Variants in RIF1 observed in about 807,000 individuals in gnomAD.
The protein encoded by RIF1 is replication timing regulatory factor 1, also known as telomere-associated protein RIF1.
In RIF1, 45 loss-of-function variants were observed where a neutral mutation model predicts 247.1. The observed-to-expected ratio is 0.18, with a 90% CI of 0.14 to 0.23. The LOEUF (loss-of-function observed/expected upper bound fraction) is 0.23, where lower values mean the gene tolerates loss of function less well. RIF1 is among the 10% of genes least tolerant of loss of function. The pLI is 1.00. For missense variants in RIF1, 2,967 were observed against 2,862.5 expected, an observed-to-expected ratio of 1.04 and a Z score of -0.83; for synonymous variants, 1,087 against 978.8, an observed-to-expected ratio of 1.11 and a Z score of -2.06.
At chr2:151,455,439 GAT>G (rs1367722048) in intron 22 of RIF1, among the ~76,000 whole-genome samples, 1 of 152,152 alleles carries the variant, frequency 6.6e-6, no homozygotes, top group African/African-American at 2.4e-5. Context: ...TTAAATGCAT[GAT>G]AGATAGGAAA....
chr2:151,463,317 A>C lies in RIF1; in HGVS notation c.3797A>C (p.Lys1266Thr). 1 of 1,613,428 alleles carries C rather than the reference A, an allele frequency of 6.2e-7. No individual in the cohort carries two copies. Among genetic ancestry groups the C allele is most frequent in the Non-Finnish European group, 8.5e-7 (1 of 1,179,852 alleles). The change falls in exon 30 of 36, where the codon AAG (lysine) becomes ACG (threonine). Residue 1266 changes from lysine (K) to threonine (T), a missense_variant. This residue lies in a region of RIF1 where 2,028 missense variants were observed against 1,825.6 expected (regional missense o/e 1.11). Coordinates refer to ENST00000444746, the MANE Select transcript of RIF1 (RefSeq NM_018151.5). Reference protein sequence around the residue: ...MIKTDFLPKAKQREGTFSKSD... With the variant: ...MIKTDFLPKATQREGTFSKSD... ...AAAACAGATTTTCTACCAAAAGCAAAGCAAAGAGAAGGGACTTTTTCAAAA... is the reference window on the plus strand; with the variant it reads ...AAAACAGATTTTCTACCAAAAGCAACGCAAAGAGAAGGGACTTTTTCAAAA...
chr2:151,456,986 G>A (rs909387156), intron 23 of RIF1, among the ~76,000 whole-genome samples: 9 of 152,084 alleles, frequency 5.9e-5, no homozygotes, highest in African/African-American at 1.7e-4. Flanking sequence ...CGCCTGCCTC[G>A]GCTTCCCGAA....
At chr2:151,496,829 A>AAAG (rs2060538381) in intron 10 of RIF1, 2 of 1,268,308 alleles carry the variant, frequency 1.6e-6, no homozygotes, top group South Asian at 1.4e-5. Flanking sequence ...TTTGCTAAAG[A>AAAG]AAGAAGTTCA....
rs531181706 is a variant in RIF1, at chr2:151,457,865, A to G, written c.2757A>G (p.Ile919Met). 2.4e-5 allele frequency: 39 copies of G among 1,613,638 alleles called. No homozygotes were observed. In the South Asian group the frequency reaches 4.2e-4, roughly 17 times the overall value. Residue 919 changes from isoleucine to methionine, a missense_variant, in exon 24 of 36, where the codon ATA becomes ATG. Ile to Met is a conservative substitution (Grantham distance 10, BLOSUM62 1). Coordinates refer to ENST00000444746, the MANE Select transcript of RIF1 (RefSeq NM_018151.5). ...LEQLSPLLCI[I>M]FLHKNKQIRK... The stretch of plus-strand genomic sequence containing the variant: ...AACTCTCCCCACTATTATGCATAAT[A>G]TTTCTGCACAAGAATAAACAGATTC...
At chr2:151,458,291 GGT>G (rs1255148621) in intron 24 of RIF1, among the ~76,000 whole-genome samples, 6 of 141,652 alleles carry the variant, frequency 4.2e-5, no homozygotes, top group Admixed American at 7.6e-5. Context: ...GGAGTGCAGT[GGT>G]GCGATCTGGG....
chr2:151,411,438 C>A, intron 3 of RIF1, 100 bp downstream of exon 3: 2 of 736,326 alleles, frequency 2.7e-6, no homozygotes, highest in South Asian at 1.8e-5. Context: ...CTCTTGTTGC[C>A]CAGGCGAGAG....
At chr2:151,506,061 T>C in intron 12 of RIF1, 2 of 969,078 alleles carry the variant, frequency 2.1e-6, no homozygotes, top group Non-Finnish European at 3.4e-6. Context: ...ATTTTAGCAA[T>C]ATAAGCTGTT....
rs373353270 is a variant in RIF1 at position 151,445,574 on chromosome 2, T to C, written c.2094+129T>C. On this transcript the variant is annotated intron_variant, in intron 19 of 35. Transcript: ENST00000444746. Reference sequence around the variant, plus strand: ...TTTTTCTCTTTTTTTTTTGAGACAGTCTCACATTGTCGTCCAGGCTTGGAG... The same window carrying C: ...TTTTTCTCTTTTTTTTTTGAGACAGCCTCACATTGTCGTCCAGGCTTGGAG... The C allele has an allele frequency of 7.0e-5, 45 of 641,906 alleles. No individual in the cohort carries two copies. The South Asian group carries it at 7.7e-4, about 11-fold the overall frequency. 39.8% of individuals were successfully genotyped at this position (641,906 alleles called of 1,614,324 possible).
rs114847552 is a variant in RIF1 at position 151,429,777 on chromosome 2, A to C, written c.925+855A>C. ...TGATTTACTTTAACCTTATCTTCTT[A>C]TTGTTCAATGGAGTTTTCTGATAAT... On this transcript the variant is annotated intron_variant, in intron 9 of 35. Transcript: ENST00000444746. 3.9e-3 allele frequency among the ~76,000 whole-genome samples: 596 copies of C among 152,216 alleles called. 2 individuals carry two copies. Among genetic ancestry groups the C allele is most frequent in the Non-Finnish European group, 5.6e-3 (380 of 68,016 alleles).
Position 151,438,124 on chromosome 2 carries a change from A to G in RIF1, c.1484-560A>G, listed in dbSNP as rs1691586531. Among the ~76,000 whole-genome samples the G allele has an allele frequency of 2.6e-5, 4 of 152,256 alleles. No homozygotes were observed. In the South Asian group the frequency reaches 8.3e-4, roughly 31 times the overall value. On this transcript the variant is annotated intron_variant, in intron 13 of 35. Coordinates refer to ENST00000444746, the MANE Select transcript of RIF1 (RefSeq NM_018151.5). ...CAGAAAAGAAAGATAATTTAAAAAA[A>G]GATAAAACAATTACCCTTAGTTACA...
At position 151,451,567 on chromosome 2, in the gene RIF1, G is replaced by A. The variant is rs748813168; in HGVS notation, c.2245-39G>A. ...CTTACTTTTGTTGAATACTGTCCCA[G>A]TACTTGAATGTTTCTAACAGTGGTA... On this transcript the variant is annotated intron_variant, in intron 20 of 35. Transcript: ENST00000444746. The A allele has an allele frequency of 4.2e-6, 4 of 954,730 alleles. No homozygotes were observed. The East Asian group carries it at 7.2e-5, about 17-fold the overall frequency. 59.1% of individuals were successfully genotyped at this position (954,730 alleles called of 1,614,324 possible). A position where few individuals can be genotyped will look rare whatever the true frequency, so the allele number is the denominator to read the frequency against.
intron 10 of RIF1, chr2:151,497,761 AT>A (rs2061272966): frequency 6.4e-7 from 1 of 1,551,248 alleles, no homozygotes; most frequent in African/African-American, 1.4e-5. Flanking sequence ...CATGAGTAAC[AT>A]TTCATTTCTT....
rs1464533244 is a variant in RIF1, at chr2:151,476,199, A to G, written c.*1128A>G. ...AAAGTTAGTTTCAGTATTTCACAGC[A>G]AGTTGGACTACAAAATCTAGAGTTG... On this transcript the variant is annotated 3_prime_UTR_variant, in exon 36 of 36. Transcript: ENST00000444746. The G allele has an allele frequency of 6.6e-6, 1 of 152,200 alleles. No homozygotes were observed. The highest frequency in any genetic ancestry group is 1.5e-5 in the Non-Finnish European group (1 of 68,020). 9.4% of individuals were successfully genotyped at this position (152,200 alleles called of 1,614,324 possible). A position where few individuals can be genotyped will look rare whatever the true frequency, so the allele number is the denominator to read the frequency against.
At chr2:151,526,541 C>T in the RIF1 span, among the ~76,000 whole-genome samples, 1 of 152,126 alleles carries the variant, frequency 6.6e-6, no homozygotes, top group Non-Finnish European at 1.5e-5. Flanking sequence ...TCCCATAAGC[C>T]CTCCATGAGC....
intron 13 of RIF1, chr2:151,507,668 T>G: frequency 4.0e-6 from 1 of 247,934 alleles, no homozygotes; most frequent in Non-Finnish European, 7.8e-6. Context: ...TGGGTAGTCA[T>G]TTCTGAAGCT....
chr2:151,447,835 C>T (rs1470368502), intron 20 of RIF1, among the ~76,000 whole-genome samples: 3 of 152,172 alleles, frequency 2.0e-5, no homozygotes, highest in Non-Finnish European at 4.4e-5. Context: ...GCCATTGCAC[C>T]TGGCCTGGAA....
chr2:151,448,161 C>G lies in RIF1; in HGVS notation c.2244+1586C>G, dbSNP rs557922111. Among the ~76,000 whole-genome samples the G allele has an allele frequency of 4.0e-5, 6 of 151,846 alleles. No individual in the cohort carries two copies. In the South Asian group the frequency reaches 1.2e-3, roughly 32 times the overall value. Reference sequence around the variant, plus strand: ...CTCTGCCTCCCAGGTTCAAGTGATTCTCCTCCCTAGTAGCTGGGACTACAG... The same window carrying G: ...CTCTGCCTCCCAGGTTCAAGTGATTGTCCTCCCTAGTAGCTGGGACTACAG... On this transcript the variant is annotated intron_variant, in intron 20 of 35. Transcript: ENST00000444746.
At chr2:151,423,707 T>C (rs1315986546) in intron 8 of RIF1, 1 of 152,226 alleles carries the variant, frequency 6.6e-6, no homozygotes, top group African/African-American at 2.4e-5. Context: ...CTACTTTATA[T>C]AATAGAAAAC....
rs1487470247 is a variant in RIF1 at position 151,445,430 on chromosome 2, A to G, written c.2079A>G (p.Glu693=). The G allele has an allele frequency of 1.3e-6, 2 of 1,566,534 alleles. No individual in the cohort carries two copies. Among genetic ancestry groups the G allele is most frequent in the East Asian group, 2.2e-5 (1 of 44,648 alleles). The change falls in exon 19 of 36, where the codon GAA becomes GAG. Residue 693 remains glutamate, a synonymous_variant. Transcript: ENST00000444746. Reference sequence around the variant, plus strand: ...TACCAGTAAACCACATTTTTTCAGAACAGAGATTTCCAGTGGTAAGGCATT... The same window carrying G: ...TACCAGTAAACCACATTTTTTCAGAGCAGAGATTTCCAGTGGTAAGGCATT... ...LTLPVNHIFS[E]QRFPVATMKT...
Sources: gnomAD v4.1 joint callset for allele counts (sites outside exome capture counted in the v4.1 genomes callset) on GRCh38, gnomAD v4.1.1 for gene constraint, gnomAD v4.1.1 regional missense constraint, MANE v1.5 for transcripts, NCBI Gene and HGNC (gene_info 2026-07-23, HGNC 2026-07-21) for gene names.